Variants in ZDHHC21 observed in about 807,000 individuals in gnomAD.
ZDHHC21 encodes zDHHC palmitoyltransferase 21, also known as palmitoyltransferase ZDHHC21.
ZDHHC21 carries 15 observed loss-of-function variants against 34.6 expected under a neutral mutation model. That is an observed-to-expected ratio of 0.43 (90% CI 0.29 to 0.67). The LOEUF is 0.67. ZDHHC21 is among the 30% of genes least tolerant of loss of function. The pLI is 0.14. For missense variants in ZDHHC21, 344 were observed against 327.7 expected (o/e 1.05, Z -0.38); for synonymous variants, 142 against 101.8 (o/e 1.40, Z -2.38).
At chr9:14,598,982 C>T in the ZDHHC21 span, among the ~76,000 whole-genome samples, 4 of 152,156 alleles carry the variant, frequency 2.6e-5, no homozygotes, top group Admixed American at 6.5e-5. Flanking sequence ...AGGATGGTCT[C>T]GAACTCCTGA....
chr9:14,628,509 T>C (rs1329736774), intron 8 of ZDHHC21, among the ~76,000 whole-genome samples: 1 of 152,186 alleles, frequency 6.6e-6, no homozygotes, highest in Non-Finnish European at 1.5e-5. Context: ...TGCAATAAAA[T>C]AGTTTACGTA....
chr9:14,611,952 T>C lies in ZDHHC21; in HGVS notation c.*7014A>G, dbSNP rs1216709409. 2.0e-5 allele frequency: 3 copies of C among 152,010 alleles called. No individual in the cohort carries two copies. Among genetic ancestry groups the C allele is most frequent in the Admixed American group, 2.0e-4 (3 of 15,226 alleles). The allele number at this position is 152,010 out of a possible 1,614,324, so 9.4% of individuals were successfully genotyped here. On this transcript the variant is annotated 3_prime_UTR_variant, in exon 10 of 10. Transcript: ENST00000380916. ...TGGGAGACAGTGAATAGTGGTGAAT[T>C]CTCTACTACTCAATAACTTGAAAAA...
intron 7 of ZDHHC21, among the ~76,000 whole-genome samples, chr9:14,647,250 T>C (rs1830412755): frequency 6.6e-6 from 1 of 152,134 alleles, no homozygotes; most frequent in Non-Finnish European, 1.5e-5. Flanking sequence ...AATTTTTAAA[T>C]GTTACAAAAC....
At position 14,645,309 on chromosome 9, in the gene ZDHHC21, T is replaced by C. The variant is rs1034338269; in HGVS notation, c.505-5297A>G. Among the ~76,000 whole-genome samples the C allele has an allele frequency of 5.9e-5, 9 of 151,972 alleles. No homozygotes were observed. In the East Asian group the frequency reaches 1.4e-3, roughly 23 times the overall value. Reference sequence around the variant, plus strand: ...AGAAACAGAAACAGACACACACACATATGAATCATGATTAGGAGAAAGATG... The same window carrying C: ...AGAAACAGAAACAGACACACACACACATGAATCATGATTAGGAGAAAGATG... On this transcript the variant is annotated intron_variant, in intron 7 of 9. Coordinates refer to ENST00000380916, the MANE Select transcript of ZDHHC21 (RefSeq NM_178566.6).
At position 14,618,566 on chromosome 9, in the gene ZDHHC21, TTAAA is replaced by T. The variant is rs2133413468; in HGVS notation, c.*396_*399del. 1 of 154,736 alleles carries T rather than the reference TTAAA, an allele frequency of 6.5e-6. No individual in the cohort carries two copies. The highest frequency in any genetic ancestry group is 1.4e-5 in the Non-Finnish European group (1 of 69,620). 9.6% of individuals were successfully genotyped at this position (154,736 alleles called of 1,614,324 possible). On this transcript the variant is annotated 3_prime_UTR_variant, in exon 10 of 10. Coordinates refer to ENST00000380916, the MANE Select transcript of ZDHHC21 (RefSeq NM_178566.6). ...ATCAACTTTTGTAAAACCTGAATAA[TTAAA>T]TTTAGATTTGGTTACTGTTTAAAAG...
chr9:14,613,635 C>T lies in ZDHHC21; in HGVS notation c.*5331G>A, dbSNP rs140616035. ...AATCAGTGTTGAACTGTTATAAGAA[C>T]GACATTACATGTTACAGATATTCAA... On this transcript the variant is annotated 3_prime_UTR_variant, in exon 10 of 10. Coordinates refer to ENST00000380916, the MANE Select transcript of ZDHHC21 (RefSeq NM_178566.6). The T allele has an allele frequency of 4.6e-5, 7 of 151,740 alleles. No individual in the cohort carries two copies. The South Asian group carries it at 1.0e-3, about 22-fold the overall frequency. 9.4% of individuals were successfully genotyped at this position (151,740 alleles called of 1,614,324 possible).
intron 8 of ZDHHC21, among the ~76,000 whole-genome samples, chr9:14,636,869 G>A (rs902817046): frequency 1.3e-5 from 2 of 151,964 alleles, no homozygotes; most frequent in African/African-American, 2.4e-5. Context: ...AAATGAAAAC[G>A]AAACATACCA....
rs1036638158 is a variant in ZDHHC21 at position 14,668,587 on chromosome 9, C to T, written c.253+4243G>A. ...GAACAAAGCTGGAGGAATCACACGA[C>T]CTGACTTCAAACTATACAACAAGGC... On this transcript the variant is annotated intron_variant, in intron 5 of 9. Coordinates refer to ENST00000380916, the MANE Select transcript of ZDHHC21 (RefSeq NM_178566.6). 2.6e-5 allele frequency among the ~76,000 whole-genome samples: 4 copies of T among 151,718 alleles called. No homozygotes were observed. The South Asian group carries it at 8.4e-4, about 32-fold the overall frequency.
chr9:14,687,381 T>C (rs570087787), intron 2 of ZDHHC21, among the ~76,000 whole-genome samples: 1 of 150,738 alleles, frequency 6.6e-6, no homozygotes, highest in Non-Finnish European at 1.5e-5. Flanking sequence ...GTAATAAAAG[T>C]AATGCTGGGC....
chr9:14,671,975 G>A (rs1391594730), intron 5 of ZDHHC21, among the ~76,000 whole-genome samples: 1 of 151,990 alleles, frequency 6.6e-6, no homozygotes, highest in East Asian at 1.9e-4. Flanking sequence ...TATTTCATTT[G>A]ACTGTTTCAT....
intron 7 of ZDHHC21, among the ~76,000 whole-genome samples, chr9:14,643,703 T>G (rs765121651): frequency 2.0e-5 from 3 of 152,216 alleles, no homozygotes; most frequent in Non-Finnish European, 4.4e-5. Flanking sequence ...TTATTTAATT[T>G]TTTTGTGCAC....
At chr9:14,637,630 C>T (rs1296981480) in intron 8 of ZDHHC21, among the ~76,000 whole-genome samples, 1 of 151,834 alleles carries the variant, frequency 6.6e-6, no homozygotes, top group Non-Finnish European at 1.5e-5. Context: ...TCAAGAAAAA[C>T]CTAAAGGCTC....
At chr9:14,591,979 C>G in the ZDHHC21 span, among the ~76,000 whole-genome samples, 2 of 152,128 alleles carry the variant, frequency 1.3e-5, no homozygotes, top group Admixed American at 6.5e-5. Context: ...ATAGTTGGAT[C>G]TTGCTTTTTA....
At chr9:14,672,733 T>C (rs1278443183) in intron 5 of ZDHHC21, 97 bp downstream of exon 5, 1 of 792,738 alleles carries the variant, frequency 1.3e-6, no homozygotes, top group African/African-American at 1.7e-5. Context: ...TGGTGTTAGA[T>C]GACATTTATA....
In ZDHHC21 at chr9:14,660,212, A is replaced by C. The variant is rs144925830; in HGVS notation, c.366-1325T>G. Among the ~76,000 whole-genome samples, 4 of 152,062 alleles carry C rather than the reference A, an allele frequency of 2.6e-5. No homozygotes were observed. In the East Asian group the frequency reaches 7.8e-4, roughly 30 times the overall value. ...GACAACCCGTCTCTGCTAAAAATAC[A>C]AAAATTAGCCAAGCATGGTGGCATG... On this transcript the variant is annotated intron_variant, in intron 6 of 9. Coordinates refer to ENST00000380916, the MANE Select transcript of ZDHHC21 (RefSeq NM_178566.6).
At chr9:14,600,651 T>C in the ZDHHC21 span, among the ~76,000 whole-genome samples, 78 of 152,126 alleles carry the variant, frequency 5.1e-4, 1 homozygote, top group African/African-American at 1.6e-3. Flanking sequence ...AATACTACTT[T>C]AAATTTCACA....
intron 2 of ZDHHC21, among the ~76,000 whole-genome samples, 194 bp from the exon 3 acceptor site, chr9:14,680,356 C>G (rs1181886732): frequency 6.6e-6 from 1 of 152,092 alleles, no homozygotes; most frequent in Admixed American, 6.6e-5. Flanking sequence ...ACAATTATAT[C>G]TGAGAGTCTT....
intron 6 of ZDHHC21, 113 bp from the exon 7 acceptor site, chr9:14,659,000 G>C (rs1242221670): frequency 1.1e-5 from 11 of 1,038,236 alleles, no homozygotes; most frequent in Non-Finnish European, 1.5e-5. Context: ...ACTTCATGGA[G>C]ATATGCTATG....
chr9:14,623,201 C>G (rs1825612728), intron 8 of ZDHHC21, among the ~76,000 whole-genome samples: 2 of 151,244 alleles, frequency 1.3e-5, no homozygotes, highest in African/African-American at 4.9e-5. Flanking sequence ...CAAAAAAGCT[C>G]TGCATAGCAA....
Sources: allele counts gnomAD v4.1 joint callset (sites outside exome capture counted in the v4.1 genomes callset), GRCh38; gene constraint gnomAD v4.1.1; transcripts MANE v1.5; gene names NCBI Gene and HGNC (gene_info 2026-07-23, HGNC 2026-07-21).